The following PROSER1 variants were observed in gnomAD, a reference collection of about 807,000 sequenced individuals.
PROSER1 encodes proline and serine rich 1, also known as proline and serine-rich protein 1.
A neutral mutation model predicts 71.8 loss-of-function variants in PROSER1; 36 were observed. The observed-to-expected ratio is 0.50, with a 90% CI of 0.38 to 0.66. The LOEUF is 0.66. Among genes scored for constraint, PROSER1 ranks in the 30% least tolerant of loss-of-function variants. PROSER1 has a pLI of 0.00. For missense variants in PROSER1, 1,107 were observed against 1,135.0 expected, an observed-to-expected ratio of 0.98 and a Z score of 0.35; for synonymous variants, 490 against 452.4, an observed-to-expected ratio of 1.08 and a Z score of -1.06.
chr13:39,018,490 ACACACAC>A (rs1207219352), intron 9 of PROSER1, among the ~76,000 whole-genome samples: 10 of 144,318 alleles, frequency 6.9e-5, no homozygotes, highest in African/African-American at 2.6e-4. Flanking sequence ...ACACACACAC[ACACACAC>A]ACACACACAC....
At chr13:39,037,119 T>C in intron 1 of PROSER1, 79 bp downstream of exon 1, 1 of 1,095,762 alleles carries the variant, frequency 9.1e-7, no homozygotes, top group South Asian at 1.3e-5. Context: ...TTCTGCACAA[T>C]CTCCATACAG....
Position 39,013,918 on chromosome 13 carries a change from T to C in PROSER1, c.1334A>G (p.Asn445Ser), listed in dbSNP as rs374148545. ...PLPPTSQGLS[N>S]PTPVIAGGST... ...GCCACCAGCAATTACAGGAGTCGGG[T>C]TGGATAGGCCTTGGGATGTTGGTGG... The change falls in exon 11 of 13, where the codon AAC becomes AGC. Residue 445 changes from asparagine to serine, a missense_variant. Transcript: ENST00000352251. 8 of 1,613,984 alleles carry C rather than the reference T, an allele frequency of 5.0e-6. No individual in the cohort carries two copies. Among genetic ancestry groups the C allele is most frequent in the East Asian group, 4.5e-5 (2 of 44,870 alleles).
In PROSER1 at chr13:39,011,403, A is replaced by G. The variant is rs765510624; in HGVS notation, c.2797T>C (p.Ser933Pro). ...SYPSAPGTPF[S>P]LQPSLSQSGW... The stretch of plus-strand genomic sequence containing the variant: ...CTCTGGGACAGGCTTGGTTGCAAAG[A>G]AAATGGTGTTCCTGGCGCTGAAGGA... Residue 933 changes from serine (S) to proline (P), a missense_variant, in exon 13 of 13, where the codon TCT (serine) becomes CCT (proline). Ser to Pro is a moderately conservative substitution (Grantham distance 74). Coordinates refer to ENST00000352251, the MANE Select transcript of PROSER1 (RefSeq NM_025138.5). The G allele has an allele frequency of 1.2e-6, 2 of 1,614,176 alleles. No individual in the cohort carries two copies. Among genetic ancestry groups the G allele is most frequent in the Admixed American group, 3.3e-5 (2 of 60,026 alleles).
chr13:39,010,525 A>G lies in PROSER1; in HGVS notation c.*840T>C, dbSNP rs1157936152. 1 of 152,652 alleles carries G rather than the reference A, an allele frequency of 6.6e-6. No individual in the cohort carries two copies. Among genetic ancestry groups the G allele is most frequent in the Non-Finnish European group, 1.5e-5 (1 of 68,038 alleles). 9.5% of individuals were successfully genotyped at this position (152,652 alleles called of 1,614,324 possible). A position where few individuals can be genotyped will look rare whatever the true frequency, so the allele number is the denominator to read the frequency against. On this transcript the variant is annotated 3_prime_UTR_variant, in exon 13 of 13. Coordinates refer to ENST00000352251, the MANE Select transcript of PROSER1 (RefSeq NM_025138.5). The stretch of plus-strand genomic sequence containing the variant: ...GTCACATATTTCATATAAGCATTTG[A>G]CTTAAAGTACAAATAGAAATACTAC...
Position 39,012,698 on chromosome 13 carries a change from G to C in PROSER1, c.2554C>G (p.Gln852Glu). ...SSNFNSALVA[Q>E]AGLSSGLQAA... ...TCCAAACTATCCACATACCCGGCTT[G>C]TGCAACAAGAGCGGAGTTGAAATTG... Residue 852 changes from glutamine to glutamate, a missense_variant, in exon 11 of 13, where the codon CAA becomes GAA. By Grantham distance (29) the Gln-to-Glu change is conservative. Transcript: ENST00000352251. 2 of 1,573,036 alleles carry C rather than the reference G, an allele frequency of 1.3e-6. No individual in the cohort carries two copies. Among genetic ancestry groups the C allele is most frequent in the South Asian group, 1.2e-5 (1 of 84,892 alleles).
In PROSER1 at chr13:39,013,147, G is replaced by A. The variant is rs1159493208; in HGVS notation, c.2105C>T (p.Ser702Phe). 9 of 1,614,144 alleles carry A rather than the reference G, an allele frequency of 5.6e-6. No individual in the cohort carries two copies. The highest frequency in any genetic ancestry group is 6.8e-6 in the Non-Finnish European group (8 of 1,180,024). The part of the protein sequence containing the change: ...PVFTALPSFT[S>F]LTNNFPLTGN... The stretch of plus-strand genomic sequence containing the variant: ...AGTTAAAGGAAAATTGTTGGTCAAA[G>A]AAGTAAAAGAAGGAAGAGCAGTGAA... Residue 702 changes from serine (S) to phenylalanine (F), a missense_variant, in exon 11 of 13, where the codon TCT becomes TTT. By Grantham distance (155) the Ser-to-Phe change is radical. Coordinates refer to ENST00000352251, the MANE Select transcript of PROSER1 (RefSeq NM_025138.5).
chr13:39,031,564 T>C lies in PROSER1; in HGVS notation c.179A>G (p.His60Arg). Residue 60 changes from histidine to arginine, a missense_variant and splice_region_variant, in exon 3 of 13, where the codon CAT becomes CGT. Transcript: ENST00000352251. ...TGAAGGAAAAAATAAGTTACTTACA[T>C]GCTGTAATGCTTTCATTGCCTTCAA... Reference protein sequence around the residue: ...PQLKAMKALQHKMVAVQPTEV... With the variant: ...PQLKAMKALQRKMVAVQPTEV... 6.2e-7 allele frequency: 1 copy of C among 1,601,710 alleles called. No homozygotes were observed.
intron 10 of PROSER1, 136 bp from the exon 11 acceptor site, chr13:39,014,612 A>G: frequency 3.0e-6 from 2 of 677,014 alleles, no homozygotes; most frequent in Non-Finnish European, 2.4e-6. Context: ...GGCTCTTGTA[A>G]TATCTAAATT....
chr13:39,022,744 A>C (rs1327667607), intron 8 of PROSER1: 1 of 388,218 alleles, frequency 2.6e-6, no homozygotes, highest in Non-Finnish European at 4.6e-6. Context: ...TAAATGCATG[A>C]ATGATGCCTC....
rs1174418720 is a variant in PROSER1 at position 39,014,260 on chromosome 13, A to T, written c.992T>A (p.Ile331Lys). 1.2e-6 allele frequency: 2 copies of T among 1,614,120 alleles called. No homozygotes were observed. The highest frequency in any genetic ancestry group is 2.2e-5 in the South Asian group (2 of 91,076). ...SSAVHTPQPS[I>K]PNPTVIRTPS... is the part of the protein sequence containing the mutation. ...GGTTCTGATAACTGTTGGGTTTGGT[A>T]TTGATGGCTGAGGTGTGTGAACGGC... Residue 331 changes from isoleucine (I) to lysine (K), a missense_variant, in exon 11 of 13, where the codon ATA becomes AAA. Physicochemically the swap from Ile to Lys is moderately radical, Grantham distance 102. Transcript: ENST00000352251.
rs545029471 is a variant in PROSER1, at chr13:39,012,301, T to C, written c.2562-68A>G. On this transcript the variant is annotated intron_variant, in intron 11 of 12. Transcript: ENST00000352251. ...ATAAAAGCTACTGTTTCCATATTTG[T>C]CAAATACAATCTTAAAATGTTAAAA... The C allele has an allele frequency of 2.7e-6, 4 of 1,461,316 alleles. No homozygotes were observed. In the South Asian group the frequency reaches 3.6e-5, roughly 13 times the overall value. The allele number at this position is 1,461,316 out of a possible 1,614,324, so 90.5% of individuals were successfully genotyped here.
chr13:39,029,432 C>T, intron 3 of PROSER1, 57 bp from the exon 4 acceptor site: 1 of 966,580 alleles, frequency 1.0e-6, no homozygotes, highest in Non-Finnish European at 1.5e-6. Flanking sequence ...CCAGAAATTA[C>T]CTTTTTCTGG....
chr13:39,028,822 G>C (rs1218183944), intron 4 of PROSER1, among the ~76,000 whole-genome samples: 1 of 151,758 alleles, frequency 6.6e-6, no homozygotes, highest in Non-Finnish European at 1.5e-5. Context: ...CATTCATTAC[G>C]GTCATCTGTC....
At chr13:39,019,969 C>G (rs1271617819) in intron 9 of PROSER1, among the ~76,000 whole-genome samples, 3 of 149,950 alleles carry the variant, frequency 2.0e-5, no homozygotes, top group African/African-American at 7.4e-5. Context: ...AAAATAAAGT[C>G]AGGACAATAT....
At chr13:39,012,622 T>G (rs112960211) in intron 11 of PROSER1, 69 bp downstream of exon 11, 1 of 1,251,816 alleles carries the variant, frequency 8.0e-7, no homozygotes, top group Non-Finnish European at 1.1e-6. Flanking sequence ...TTTTGATGAC[T>G]TGAAATGAAA....
chr13:39,032,030 T>C (rs80089099), intron 2 of PROSER1, among the ~76,000 whole-genome samples: 11,166 of 152,208 alleles, frequency 0.073, 444 homozygotes, highest in South Asian at 0.13. Flanking sequence ...AAAGGATGGT[T>C]GAGAAGTACT....
Position 39,012,675 on chromosome 13 carries a change from C to T in PROSER1, c.2561+16G>A. ...GTGAAGAATAATTTTATCCTATTTC[C>T]AAACTATCCACATACCCGGCTTGTG... is the stretch of plus-strand genomic sequence containing the variant. On this transcript the variant is annotated intron_variant, in intron 11 of 12. Transcript: ENST00000352251. 10 of 1,512,082 alleles carry T rather than the reference C, an allele frequency of 6.6e-6. No individual in the cohort carries two copies. The highest frequency in any genetic ancestry group is 8.9e-6 in the Non-Finnish European group (10 of 1,124,846). The allele number at this position is 1,512,082 out of a possible 1,614,324, so 93.7% of individuals were successfully genotyped here. A position where few individuals can be genotyped will look rare whatever the true frequency, so the allele number is the denominator to read the frequency against.
chr13:39,011,582 G>T, intron 12 of PROSER1, 95 bp from the exon 13 acceptor site: 1 of 1,275,850 alleles, frequency 7.8e-7, no homozygotes, highest in South Asian at 1.5e-5. Flanking sequence ...ATTCAGAATA[G>T]GAAAGAAAGA....
chr13:39,025,466 C>A (rs1341953927), intron 6 of PROSER1, among the ~76,000 whole-genome samples: 1 of 152,174 alleles, frequency 6.6e-6, no homozygotes, highest in African/African-American at 2.4e-5. Context: ...CATCTGACTT[C>A]CAGGCAGCTT....
Sources: allele counts gnomAD v4.1 joint callset (sites outside exome capture counted in the v4.1 genomes callset), GRCh38; gene constraint gnomAD v4.1.1; transcripts MANE v1.5; gene names NCBI Gene and HGNC (gene_info 2026-07-23, HGNC 2026-07-21).